HPCA: variants seen among roughly 807,000 people sequenced by gnomAD.
HPCA encodes hippocalcin, also known as neuron-specific calcium-binding protein hippocalcin.
HPCA carries 4 observed loss-of-function variants against 18.2 expected under a neutral mutation model. The observed-to-expected ratio is 0.22, with a 90% CI of 0.11 to 0.50. HPCA has a LOEUF of 0.50. HPCA is among the 20% of genes least tolerant of loss of function. The pLI is 0.97. For missense variants in HPCA, 161 were observed against 265.8 expected (o/e 0.61, Z 2.74); for synonymous variants, 93 against 103.5 (o/e 0.90, Z 0.61).
Position 32,889,720 on chromosome 1 carries a change from G to T in HPCA, c.378+444G>T, listed in dbSNP as rs1038241462. Among the ~76,000 whole-genome samples, 2 of 152,120 alleles carry T rather than the reference G, an allele frequency of 1.3e-5. No individual in the cohort carries two copies. The highest frequency in any genetic ancestry group is 4.8e-5 in the African/African-American group (2 of 41,426). ...AATCTACCAACCATATTCCAATTTT[G>T]CCAACTGTCTCCATAATGTTCTTTA... On this transcript the variant is annotated intron_variant, in intron 2 of 3. Transcript: ENST00000373467. This position sits in a 1 kb window ranked among gnomAD's most constrained non-coding sequence, Gnocchi z 4.6.
Position 32,893,734 on chromosome 1 carries a change from C to G in HPCA, c.485-31C>G. The G allele has an allele frequency of 6.4e-7, 1 of 1,551,356 alleles. No homozygotes were observed. Among genetic ancestry groups the G allele is most frequent in the East Asian group, 2.4e-5 (1 of 41,778 alleles). On this transcript the variant is annotated intron_variant, in intron 3 of 3. Transcript: ENST00000373467. The surrounding 1 kb of genome is among the most constrained non-coding windows in gnomAD (Gnocchi z 7.5). ...CCTCCCCTCGCTAGGCTGCCGCCTC[C>G]TCCCCCATCACCGCTCCCCTCGCCC... is the stretch of plus-strand genomic sequence containing the variant.
chr1:32,891,743 G>C (rs138679548), intron 2 of HPCA, among the ~76,000 whole-genome samples: 1,540 of 152,294 alleles, frequency 0.01, 7 homozygotes, highest in Middle Eastern at 0.031. Context: ...TTAGAAACTT[G>C]AGACTACCAG....
At chr1:32,890,282 T>A (rs1477931256) in intron 2 of HPCA, among the ~76,000 whole-genome samples, 5 of 152,228 alleles carry the variant, frequency 3.3e-5, no homozygotes. Flanking sequence ...TGTACGCTCA[T>A]ACTGACTTCA....
Position 32,893,844 on chromosome 1 carries a change from C to CAGCGCCTCCCAGT in HPCA, c.565_577dup (p.Phe193Ter). On this transcript the variant is annotated frameshift_variant, in exon 4 of 4. Transcript: ENST00000373467. LOFTEE classifies it high-confidence loss of function. The surrounding 1 kb of genome is among the most constrained non-coding windows in gnomAD (Gnocchi z 7.5). ...TGCGTCTGCTGCAGTGCGACCCCAG[C>CAGCGCCTCCCAGT]AGCGCCTCCCAGTTCTGAGAGGAGC... The CAGCGCCTCCCAGT allele has an allele frequency of 6.4e-7, 1 of 1,571,034 alleles. No individual in the cohort carries two copies. The highest frequency in any genetic ancestry group is 1.2e-5 in the South Asian group (1 of 85,474).
intron 2 of HPCA, among the ~76,000 whole-genome samples, chr1:32,890,409 A>G (rs2124019790): frequency 6.6e-6 from 1 of 152,374 alleles, no homozygotes; most frequent in South Asian, 2.1e-4. Flanking sequence ...GAAGATGGCC[A>G]GGGCTCTGGC....
Position 32,888,996 on chromosome 1 carries a change from G to C in HPCA, c.98G>C (p.Gly33Ala). The change falls in exon 2 of 4, where the codon GGC becomes GCC. Residue 33 changes from glycine (G) to alanine (A), a missense_variant. Transcript: ENST00000373467. ...CTGGAGCTGCAGGAGTGGTACAAGG[G>C]CTTCCTCAAGGACTGCCCCACAGGA... ...SELELQEWYK[G>A]FLKDCPTGIL... 1 of 1,614,150 alleles carries C rather than the reference G, an allele frequency of 6.2e-7. No individual in the cohort carries two copies. Among genetic ancestry groups the C allele is most frequent in the Non-Finnish European group, 8.5e-7 (1 of 1,180,010 alleles).
chr1:32,887,989 A>G lies in HPCA; in HGVS notation c.-21-889A>G, dbSNP rs1031041412. ...GGATCTGGTGAGCTATGAAGCATAC[A>G]GTTATCGGTATACATTCATTTGCAC... On this transcript the variant is annotated intron_variant, in intron 1 of 3. Transcript: ENST00000373467. Among the ~76,000 whole-genome samples the G allele has an allele frequency of 3.3e-5, 5 of 152,196 alleles. No homozygotes were observed. The South Asian group carries it at 8.3e-4, about 25-fold the overall frequency.
At position 32,888,980 on chromosome 1, in the gene HPCA, C is replaced by T; in HGVS notation, c.82C>T (p.Gln28Ter). The change falls in exon 2 of 4, where the codon CAG becomes TAG. Residue 28 changes from glutamine (Q) to a stop codon, truncating the protein, a stop_gained. Coordinates refer to ENST00000373467, the MANE Select transcript of HPCA (RefSeq NM_002143.3). LOFTEE classifies it high-confidence loss of function. ...CACAGAGTTCTCAGAGCTGGAGCTGCAGGAGTGGTACAAGGGCTTCCTCAA... is the reference window on the plus strand; with the variant it reads ...CACAGAGTTCTCAGAGCTGGAGCTGTAGGAGTGGTACAAGGGCTTCCTCAA... ...ENTEFSELELQEWYKGFLKDC... is the reference protein window; with the variant it reads ...ENTEFSELEL 6.2e-7 allele frequency: 1 copy of T among 1,614,074 alleles called. No homozygotes were observed. The highest frequency in any genetic ancestry group is 8.5e-7 in the Non-Finnish European group (1 of 1,180,004).
Position 32,894,059 on chromosome 1 carries a change from A to C in HPCA, c.*197A>C. ...GCAAGTAAGCGGTTAGCACCCCCCAATCCCAGAGGCAACAATAGAGACACA... is the reference window on the plus strand; with the variant it reads ...GCAAGTAAGCGGTTAGCACCCCCCACTCCCAGAGGCAACAATAGAGACACA... On this transcript the variant is annotated 3_prime_UTR_variant, in exon 4 of 4. Transcript: ENST00000373467. 2.1e-5 allele frequency: 12 copies of C among 566,014 alleles called. No homozygotes were observed. The highest frequency in any genetic ancestry group is 3.2e-5 in the Non-Finnish European group (10 of 316,302). The allele number at this position is 566,014 out of a possible 1,614,324, so 35.1% of individuals were successfully genotyped here.
Position 32,893,852 on chromosome 1 carries a change from C to A in HPCA, c.572C>A (p.Ser191Tyr), listed in dbSNP as rs1438439715. Residue 191 changes from serine to tyrosine, a missense_variant, in exon 4 of 4, where the codon TCC (serine) becomes TAC (tyrosine). By Grantham distance (144) the Ser-to-Tyr change is moderately radical. Coordinates refer to ENST00000373467, the MANE Select transcript of HPCA (RefSeq NM_002143.3). This position sits in a 1 kb window ranked among gnomAD's most constrained non-coding sequence, Gnocchi z 7.5. ...RLLQCDPSSA[S>Y]QF ...CTGCAGTGCGACCCCAGCAGCGCCTCCCAGTTCTGAGAGGAGCCAGGTTCC... is the reference window on the plus strand; with the variant it reads ...CTGCAGTGCGACCCCAGCAGCGCCTACCAGTTCTGAGAGGAGCCAGGTTCC... 1 of 1,568,568 alleles carries A rather than the reference C, an allele frequency of 6.4e-7. No homozygotes were observed. The highest frequency in any genetic ancestry group is 1.7e-4 in the Middle Eastern group (1 of 5,998).
At chr1:32,891,336 C>G (rs1467285314) in intron 2 of HPCA, among the ~76,000 whole-genome samples, 1 of 152,234 alleles carries the variant, frequency 6.6e-6, no homozygotes, top group African/African-American at 2.4e-5. Context: ...AAGGCTATCA[C>G]AGGGTTACTG....
At chr1:32,888,832 A>G in intron 1 of HPCA, 46 bp from the exon 2 acceptor site, 1 of 1,515,482 alleles carries the variant, frequency 6.6e-7, no homozygotes, top group Non-Finnish European at 8.9e-7. Flanking sequence ...AGTAGCCAGG[A>G]GGGCCTGATC....
rs1359025867 is a variant in HPCA at position 32,894,107 on chromosome 1, G to C, written c.*245G>C. Reference sequence around the variant, plus strand: ...ACAGGCTGGGTTGGTCTGCCCCTCAGTCAGGCCCCCTTACCCACCCACCAG... The same window carrying C: ...ACAGGCTGGGTTGGTCTGCCCCTCACTCAGGCCCCCTTACCCACCCACCAG... On this transcript the variant is annotated 3_prime_UTR_variant, in exon 4 of 4. Coordinates refer to ENST00000373467, the MANE Select transcript of HPCA (RefSeq NM_002143.3). 3 of 496,720 alleles carry C rather than the reference G, an allele frequency of 6.0e-6. No homozygotes were observed. The highest frequency in any genetic ancestry group is 5.8e-5 in the African/African-American group (3 of 51,680). The allele number at this position is 496,720 out of a possible 1,614,324, so 30.8% of individuals were successfully genotyped here. A position where few individuals can be genotyped will look rare whatever the true frequency, so the allele number is the denominator to read the frequency against.
chr1:32,893,932 T>A lies in HPCA; in HGVS notation c.*70T>A. 1 of 1,140,122 alleles carries A rather than the reference T, an allele frequency of 8.8e-7. No individual in the cohort carries two copies. Among genetic ancestry groups the A allele is most frequent in the Non-Finnish European group, 1.3e-6 (1 of 783,336 alleles). 70.6% of individuals were successfully genotyped at this position (1,140,122 alleles called of 1,614,324 possible). On this transcript the variant is annotated 3_prime_UTR_variant, in exon 4 of 4. Coordinates refer to ENST00000373467, the MANE Select transcript of HPCA (RefSeq NM_002143.3). The surrounding 1 kb of genome is among the most constrained non-coding windows in gnomAD (Gnocchi z 7.5). Reference sequence around the variant, plus strand: ...CCGGCTCTTAGCTTCCACTCCCTTGTGTGTATTCTGGCTGGGGGCCAGATT... The same window carrying A: ...CCGGCTCTTAGCTTCCACTCCCTTGAGTGTATTCTGGCTGGGGGCCAGATT...
chr1:32,890,944 G>A (rs1192479091), intron 2 of HPCA, among the ~76,000 whole-genome samples: 2 of 152,232 alleles, frequency 1.3e-5, no homozygotes, highest in East Asian at 3.8e-4. Context: ...GGGATCTGGG[G>A]GTCCTGATGG....
At chr1:32,886,114 G>A (rs1641357949), upstream of HPCA, 2 of 152,556 alleles carry the variant, frequency 1.3e-5, no homozygotes. The surrounding 1 kb of genome is among the most constrained non-coding windows in gnomAD (Gnocchi z 7.0). Context: ...GCGGCTCAGA[G>A]CCCAGGTGGG....
chr1:32,893,930 T>A lies in HPCA; in HGVS notation c.*68T>A, dbSNP rs1226147450. 1.0e-5 allele frequency: 12 copies of A among 1,145,108 alleles called. No homozygotes were observed. The highest frequency in any genetic ancestry group is 1.5e-5 in the Non-Finnish European group (12 of 786,404). The allele number at this position is 1,145,108 out of a possible 1,614,324, so 70.9% of individuals were successfully genotyped here. The stretch of plus-strand genomic sequence containing the variant: ...TCCCGGCTCTTAGCTTCCACTCCCT[T>A]GTGTGTATTCTGGCTGGGGGCCAGA... On this transcript the variant is annotated 3_prime_UTR_variant, in exon 4 of 4. Coordinates refer to ENST00000373467, the MANE Select transcript of HPCA (RefSeq NM_002143.3). This position sits in a 1 kb window ranked among gnomAD's most constrained non-coding sequence, Gnocchi z 7.5.
chr1:32,889,328 C>G lies in HPCA; in HGVS notation c.378+52C>G. 6.5e-7 allele frequency: 1 copy of G among 1,549,752 alleles called. No homozygotes were observed. Among genetic ancestry groups the G allele is most frequent in the Non-Finnish European group, 8.7e-7 (1 of 1,146,364 alleles). ...CAGGCACAGGGCCCGGCAGCTTGCA[C>G]CCACCACCCCTTTTGATCCTCTCAG... On this transcript the variant is annotated intron_variant, in intron 2 of 3. Coordinates refer to ENST00000373467, the MANE Select transcript of HPCA (RefSeq NM_002143.3). This position sits in a 1 kb window ranked among gnomAD's most constrained non-coding sequence, Gnocchi z 4.6.
chr1:32,893,498 C>T lies in HPCA; in HGVS notation c.379-26C>T, dbSNP rs1380136931. On this transcript the variant is annotated intron_variant, in intron 2 of 3. Coordinates refer to ENST00000373467, the MANE Select transcript of HPCA (RefSeq NM_002143.3). The surrounding 1 kb of genome is among the most constrained non-coding windows in gnomAD (Gnocchi z 7.5). ...TGGGGGCTCGGGCAGGCTCCTCTCA[C>T]TCCCCGCCTCCCCTCCCGCCCCCAG... 6.5e-7 allele frequency: 1 copy of T among 1,532,172 alleles called. No individual in the cohort carries two copies. Among genetic ancestry groups the T allele is most frequent in the Non-Finnish European group, 9.0e-7 (1 of 1,107,554 alleles). 94.9% of individuals were successfully genotyped at this position (1,532,172 alleles called of 1,614,324 possible). A position where few individuals can be genotyped will look rare whatever the true frequency, so the allele number is the denominator to read the frequency against.
Sources: gnomAD v4.1 joint callset for allele counts (sites outside exome capture counted in the v4.1 genomes callset) on GRCh38, gnomAD v4.1.1 for gene constraint, Gnocchi (gnomAD v3.1) non-coding constraint, MANE v1.5 for transcripts, NCBI Gene and HGNC (gene_info 2026-07-23, HGNC 2026-07-21) for gene names.